Variants in CAST observed in about 807,000 individuals in gnomAD.
CAST encodes MIR583 host.
Under a neutral mutation model 119.6 loss-of-function variants are expected in CAST, and 76 were observed. The ratio of observed to expected loss-of-function variants is 0.64; its 90% CI spans 0.53 to 0.77. The LOEUF is 0.77. CAST is among the 30% of genes least tolerant of loss of function. The probability of loss-of-function intolerance (pLI) is 0.00; values close to 1 mark genes in which losing one functional copy is unlikely to be tolerated. For synonymous variants in CAST, 319 were observed against 331.6 expected (o/e 0.96, Z 0.41); for missense variants, 953 against 946.5 (o/e 1.01, Z -0.09).
At chr5:96,155,891 G>A in the CAST span, among the ~76,000 whole-genome samples, 3 of 152,196 alleles carry the variant, frequency 2.0e-5, no homozygotes, top group Non-Finnish European at 4.4e-5. Context: ...CTGCAGCCAG[G>A]TCTTGTGCCA....
the CAST span, chr5:96,399,072 T>C: frequency 6.6e-7 from 1 of 1,505,992 alleles, no homozygotes; most frequent in Non-Finnish European, 9.2e-7. Flanking sequence ...GAATAAAGTA[T>C]ATCCAAACTT....
At chr5:96,123,664 A>G in the CAST span, among the ~76,000 whole-genome samples, 42 of 152,304 alleles carry the variant, frequency 2.8e-4, no homozygotes, top group Admixed American at 1.6e-3. Flanking sequence ...ACTGGGTACA[A>G]CTGAAGGTTG....
At chr5:96,369,189 T>G in the CAST span, among the ~76,000 whole-genome samples, 1 of 151,844 alleles carries the variant, frequency 6.6e-6, no homozygotes, top group African/African-American at 2.4e-5. Flanking sequence ...TATTTAATTT[T>G]CTTTTAAATA....
chr5:96,457,153 C>T, the CAST span, among the ~76,000 whole-genome samples: 1 of 152,074 alleles, frequency 6.6e-6, no homozygotes, highest in African/African-American at 2.4e-5. Flanking sequence ...CTGATTTCTC[C>T]TTCTCCATCA....
the CAST span, among the ~76,000 whole-genome samples, chr5:96,410,335 G>C: frequency 6.6e-6 from 1 of 152,122 alleles, no homozygotes. Flanking sequence ...AGGAGACATA[G>C]CTGGTGTAGA....
At chr5:96,396,454 G>A in the CAST span, among the ~76,000 whole-genome samples, 1,307 of 151,858 alleles carry the variant, frequency 8.6e-3, 24 homozygotes, top group African/African-American at 0.029. Flanking sequence ...CCAGCTAGTC[G>A]GGAGGCTGAG....
chr5:96,044,535 G>A, the CAST span, among the ~76,000 whole-genome samples: 1 of 152,082 alleles, frequency 6.6e-6, no homozygotes, highest in Admixed American at 6.6e-5. Context: ...TGTTATAGAA[G>A]CCTGAACAGA....
intron 20 of CAST, 124 bp downstream of exon 20, chr5:96,750,806 T>C (rs1471093140): frequency 1.1e-5 from 6 of 548,772 alleles, no homozygotes; most frequent in Non-Finnish European, 2.0e-5. Context: ...AAATCTGATA[T>C]CATTATAGTA....
chr5:96,664,057 C>T (rs1392900969), intron 1 of CAST, among the ~76,000 whole-genome samples: 1 of 151,894 alleles, frequency 6.6e-6, no homozygotes. Context: ...TCTCTCTTGG[C>T]ATGTGGTATT....
the CAST span, among the ~76,000 whole-genome samples, chr5:96,345,373 A>G: frequency 5.3e-5 from 8 of 152,138 alleles, no homozygotes; most frequent in Non-Finnish European, 1.2e-4. Flanking sequence ...TCTACCAGAA[A>G]CAGGAGATTT....
the CAST span, among the ~76,000 whole-genome samples, chr5:96,363,471 G>A: frequency 2.8e-4 from 42 of 152,246 alleles, no homozygotes; most frequent in African/African-American, 9.6e-4. Context: ...CCATGAGCAT[G>A]GAGTGTTCTT....
the CAST span, among the ~76,000 whole-genome samples, chr5:95,983,499 TG>T: frequency 8.3e-3 from 1,258 of 152,262 alleles, 14 homozygotes; most frequent in African/African-American, 0.029. Context: ...TATGGGAATG[TG>T]GGGTAGGGAA....
chr5:96,400,226 T>C, the CAST span: 2 of 1,449,936 alleles, frequency 1.4e-6, no homozygotes, highest in Non-Finnish European at 1.9e-6. Flanking sequence ...CAGAGAAAAA[T>C]GAAGTTTCCT....
intron 1 of CAST, among the ~76,000 whole-genome samples, chr5:96,573,046 C>G (rs897402651): frequency 1.3e-5 from 2 of 152,170 alleles, no homozygotes; most frequent in Non-Finnish European, 2.9e-5. Context: ...AAGGACAAAG[C>G]TATGATACTG....
chr5:96,313,298 T>C, the CAST span, among the ~76,000 whole-genome samples: 1 of 152,158 alleles, frequency 6.6e-6, no homozygotes, highest in African/African-American at 2.4e-5. Flanking sequence ...AAAATCAAGA[T>C]ATAGATTTAT....
intron 3 of CAST, among the ~76,000 whole-genome samples, chr5:96,697,764 T>C (rs1404351099): frequency 1.3e-5 from 2 of 152,202 alleles, no homozygotes; most frequent in Non-Finnish European, 2.9e-5. Context: ...GAGCTTCAGT[T>C]TCTTCATCTG....
At chr5:96,223,814 A>G in the CAST span, among the ~76,000 whole-genome samples, 3 of 152,176 alleles carry the variant, frequency 2.0e-5, no homozygotes, top group Non-Finnish European at 2.9e-5. Flanking sequence ...TGTGTAATAG[A>G]TGTTAATAGA....
At chr5:96,547,992 T>TAAGG (rs57831524) in intron 1 of CAST, among the ~76,000 whole-genome samples, 1 of 151,862 alleles carries the variant, frequency 6.6e-6, no homozygotes, top group Non-Finnish European at 1.5e-5. Context: ...ACAATGTAAG[T>TAAGG]CTTTGAGCCA....
intron 1 of CAST, among the ~76,000 whole-genome samples, chr5:96,639,373 G>A (rs564494572): frequency 6.6e-6 from 1 of 152,324 alleles, no homozygotes; most frequent in African/African-American, 2.4e-5. Context: ...GGAGAGCTTA[G>A]GGCCTCCTTC....
Sources: allele counts gnomAD v4.1 joint callset (sites outside exome capture counted in the v4.1 genomes callset), GRCh38; gene constraint gnomAD v4.1.1; transcripts MANE v1.5; gene names NCBI Gene and HGNC (gene_info 2026-07-23, HGNC 2026-07-21).